The following CD99L2 variants were observed in gnomAD, a reference collection of about 807,000 sequenced individuals.
CD99L2 encodes the protein CD99 antigen-like protein 2.
A neutral mutation model predicts 27.3 loss-of-function variants in CD99L2; 24 were observed. The ratio of observed to expected loss-of-function variants is 0.88; its 90% CI spans 0.64 to 1.24. The LOEUF (loss-of-function observed/expected upper bound fraction) is 1.24, where lower values mean the gene tolerates loss of function less well. Among genes scored for constraint, CD99L2 ranks in the 50% most tolerant of loss-of-function variants. CD99L2 has a pLI of 0.00. For missense variants in CD99L2, 255 were observed against 221.6 expected (o/e 1.15, Z -0.96); for synonymous variants, 97 against 87.9 (o/e 1.10, Z -0.58).
chrX:150,839,777 A>G (rs2046593785), intron 1 of CD99L2, among the ~76,000 whole-genome samples: 2 of 109,641 alleles, frequency 1.8e-5, no homozygotes, highest in South Asian at 8.0e-4. Context: ...TCTCATGCCT[A>G]TAACCCCAGC....
chrX:150,866,122 C>CA (rs1224672076), intron 1 of CD99L2, among the ~76,000 whole-genome samples: 2 of 111,171 alleles, frequency 1.8e-5, no homozygotes, highest in Non-Finnish European at 1.9e-5. Flanking sequence ...GACCCTGTCT[C>CA]AAAAAACAAA....
chrX:150,797,634 A>C (rs1256671422), intron 4 of CD99L2, among the ~76,000 whole-genome samples: 12 of 112,647 alleles, frequency 1.1e-4, no homozygotes, highest in African/African-American at 3.9e-4. Flanking sequence ...ATCTAGAAAA[A>C]GAACATAGAA....
At chrX:150,818,380 C>T (rs2046197429) in intron 2 of CD99L2, among the ~76,000 whole-genome samples, 1 of 110,090 alleles carries the variant, frequency 9.1e-6, no homozygotes, top group African/African-American at 3.3e-5. Flanking sequence ...CTTAAAAAGA[C>T]TGAAGCCATA....
At chrX:150,780,907 G>A (rs1251559002) in intron 7 of CD99L2, among the ~76,000 whole-genome samples, 1 of 112,409 alleles carries the variant, frequency 8.9e-6, no homozygotes, top group Admixed American at 9.4e-5. Context: ...ACTTACTAGT[G>A]GTGGAAATGG....
rs782348556 is a variant in CD99L2, at chrX:150,816,261, G to T, written c.131-183C>A. The T allele has an allele frequency of 5.6e-5, 25 of 444,750 alleles. No homozygotes were observed. The East Asian group carries it at 9.1e-4, about 16-fold the overall frequency. 36.7% of individuals were successfully genotyped at this position (444,750 alleles called of 1,213,427 possible). A position where few individuals can be genotyped will look rare whatever the true frequency, so the allele number is the denominator to read the frequency against. On this transcript the variant is annotated intron_variant, in intron 2 of 10. Coordinates refer to ENST00000370377, the MANE Select transcript of CD99L2 (RefSeq NM_031462.4). ...ATGACAAAATGATATAGGTTTAAAT[G>T]AGAAGAGTTCTGCTCACTTTTCTTT...
chrX:150,770,233 G>C, intron 10 of CD99L2, 71 bp downstream of exon 10: 1 of 1,014,283 alleles, frequency 9.9e-7, no homozygotes, highest in Admixed American at 2.2e-5. Context: ...TGCTTCTCTA[G>C]CACAGTTCTG....
chrX:150,798,433 G>A (rs996274046), intron 4 of CD99L2, among the ~76,000 whole-genome samples: 2 of 111,032 alleles, frequency 1.8e-5, no homozygotes, highest in Non-Finnish European at 3.8e-5. Flanking sequence ...TTCGATCGGG[G>A]AAAGGACAGT....
At chrX:150,852,688 C>T (rs2046811536) in intron 1 of CD99L2, among the ~76,000 whole-genome samples, 1 of 110,557 alleles carries the variant, frequency 9.0e-6, no homozygotes, top group Admixed American at 9.7e-5. Context: ...CTCTGGTCAC[C>T]TCAGATGAAT....
intron 1 of CD99L2, among the ~76,000 whole-genome samples, chrX:150,894,458 C>A (rs12013467): frequency 0.016 from 1,813 of 112,173 alleles, 45 homozygotes; most frequent in African/African-American, 0.056. Context: ...CAGCACTGGG[C>A]AGGTACGCTT....
intron 1 of CD99L2, among the ~76,000 whole-genome samples, chrX:150,891,967 C>T: frequency 9.0e-6 from 1 of 111,719 alleles, no homozygotes; most frequent in Non-Finnish European, 1.9e-5. Context: ...GCTGGGTAAT[C>T]CCAGCACTTT....
chrX:150,805,622 C>A (rs2045982948), intron 4 of CD99L2, among the ~76,000 whole-genome samples: 1 of 111,230 alleles, frequency 9.0e-6, no homozygotes, highest in Non-Finnish European at 1.9e-5. Flanking sequence ...TTATAATAGT[C>A]AAAAACTGGG....
chrX:150,897,213 T>G (rs1463040274), intron 1 of CD99L2, among the ~76,000 whole-genome samples: 4 of 112,459 alleles, frequency 3.6e-5, no homozygotes, highest in African/African-American at 1.3e-4. Flanking sequence ...CCCCTGTAAC[T>G]TCCTTTATTT....
At chrX:150,824,237 A>G (rs1467016977) in intron 2 of CD99L2, among the ~76,000 whole-genome samples, 1 of 49,605 alleles carries the variant, frequency 2.0e-5, no homozygotes, top group African/African-American at 8.8e-5. Context: ...AGAAGAAGAA[A>G]GAAGAAGGAG....
At chrX:150,821,691 G>C (rs2046244808) in intron 2 of CD99L2, among the ~76,000 whole-genome samples, 1 of 111,884 alleles carries the variant, frequency 8.9e-6, no homozygotes, top group Non-Finnish European at 1.9e-5. Context: ...GTGCATCTAA[G>C]GACATTATCA....
intron 2 of CD99L2, among the ~76,000 whole-genome samples, chrX:150,824,490 GAAGAAGA>G (rs1254374103): frequency 3.8e-5 from 3 of 78,087 alleles, no homozygotes; most frequent in African/African-American, 5.7e-5. Flanking sequence ...GAAGAAAGAA[GAAGAAGA>G]AAGAAGAAGA....
At chrX:150,886,521 C>T (rs782352074) in intron 1 of CD99L2, among the ~76,000 whole-genome samples, 1 of 112,699 alleles carries the variant, frequency 8.9e-6, no homozygotes, top group South Asian at 3.6e-4. Context: ...TCTATGCTTA[C>T]GTAAGTACAC....
At chrX:150,879,925 CA>C (rs782555339) in intron 1 of CD99L2, among the ~76,000 whole-genome samples, 419 of 27,313 alleles carry the variant, frequency 0.015, 2 homozygotes, top group South Asian at 0.059. Flanking sequence ...ACCCTGTCTC[CA>C]AAAAAAAAAA....
intron 1 of CD99L2, among the ~76,000 whole-genome samples, chrX:150,872,555 A>AG (rs1451604884): frequency 9.5e-6 from 1 of 105,026 alleles, no homozygotes; most frequent in Non-Finnish European, 1.9e-5. Flanking sequence ...AAAAAAAAAA[A>AG]AACTTAAGAA....
At chrX:150,807,262 G>T (rs192350608) in intron 4 of CD99L2, among the ~76,000 whole-genome samples, 1 of 111,294 alleles carries the variant, frequency 9.0e-6, no homozygotes, top group African/African-American at 3.3e-5. Context: ...ATCAAAGCTT[G>T]TACTTTTGAT....
Sources: gnomAD v4.1 joint callset for allele counts (sites outside exome capture counted in the v4.1 genomes callset) on GRCh38, gnomAD v4.1.1 for gene constraint, MANE v1.5 for transcripts, NCBI Gene and HGNC (gene_info 2026-07-23, HGNC 2026-07-21) for gene names.